WAPL: variants seen among roughly 807,000 people sequenced by gnomAD.
WAPL encodes the protein wings apart-like protein homolog.
WAPL carries 5 observed loss-of-function variants against 121.0 expected under a neutral mutation model. The ratio of observed to expected loss-of-function variants is 0.04; its 90% confidence interval spans 0.02 to 0.09. The LOEUF (loss-of-function observed/expected upper bound fraction) is 0.09, where lower values mean the gene tolerates loss of function less well. WAPL is among the 10% of genes least tolerant of loss of function. The probability of loss-of-function intolerance (pLI) is 1.00; values close to 1 mark genes in which losing one functional copy is unlikely to be tolerated. For synonymous variants in WAPL, 480 were observed against 481.5 expected, an observed-to-expected ratio of 1.00 and a Z score of 0.04; for missense variants, 999 against 1,410.8, an observed-to-expected ratio of 0.71 and a Z score of 4.68.
At chr10:86,439,297 T>C (rs1849404295) in intron 17 of WAPL, among the ~76,000 whole-genome samples, 1 of 152,318 alleles carries the variant, frequency 6.6e-6, no homozygotes, top group East Asian at 1.9e-4. Flanking sequence ...GCTGAAGATA[T>C]CAGTTACACA....
At chr10:86,509,760 CT>C (rs1842419738) in intron 2 of WAPL, among the ~76,000 whole-genome samples, 3 of 112,872 alleles carry the variant, frequency 2.7e-5, no homozygotes, top group Admixed American at 1.0e-4. Context: ...GCTCGAAGCT[CT>C]TTGGTTTTTT....
At chr10:86,455,348 C>T (rs1841116419) in intron 12 of WAPL, among the ~76,000 whole-genome samples, 1 of 152,180 alleles carries the variant, frequency 6.6e-6, no homozygotes, top group Non-Finnish European at 1.5e-5. Flanking sequence ...AAAAATTCTT[C>T]TGCCTTGGGA....
chr10:86,516,925 A>C (rs1842565507), intron 2 of WAPL, among the ~76,000 whole-genome samples: 2 of 152,124 alleles, frequency 1.3e-5, no homozygotes, highest in Non-Finnish European at 2.9e-5. Context: ...TCTACTAAAA[A>C]TACAAAAATT....
At chr10:86,453,124 T>C (rs1841038628) in intron 14 of WAPL, 96 bp downstream of exon 14, 3 of 661,290 alleles carry the variant, frequency 4.5e-6, no homozygotes, top group Admixed American at 3.1e-5. Flanking sequence ...ACCCACAATA[T>C]ATTAAAGGGT....
At chr10:86,467,584 A>ATG (rs1413800080) in intron 8 of WAPL, 78 bp from the exon 9 acceptor site, 2 of 1,083,072 alleles carry the variant, frequency 1.8e-6, no homozygotes, top group African/African-American at 1.6e-5. Context: ...AAGACTATTA[A>ATG]TGACTTTTGT....
chr10:86,440,772 G>C lies in WAPL; in HGVS notation c.3411+2503C>G, dbSNP rs1258390823. On this transcript the variant is annotated intron_variant, in intron 17 of 18. Coordinates refer to ENST00000298767, the MANE Select transcript of WAPL (RefSeq NM_015045.5). ...TTGATCCTGAAATCGGCGGTACCCA[G>C]AGGGGCCACACAGAGTGGGCTGTTG... Among the ~76,000 whole-genome samples the C allele has an allele frequency of 3.3e-5, 5 of 151,810 alleles. No homozygotes were observed. In the East Asian group the frequency reaches 5.8e-4, roughly 18 times the overall value.
chr10:86,483,651 C>T (rs1841848424), intron 4 of WAPL, among the ~76,000 whole-genome samples: 1 of 151,570 alleles, frequency 6.6e-6, no homozygotes, highest in South Asian at 2.1e-4. Context: ...GATGACAGCT[C>T]CACGTATGTT....
chr10:86,453,857 A>G, intron 12 of WAPL, 26 bp from the exon 13 acceptor site: 1 of 1,469,466 alleles, frequency 6.8e-7, no homozygotes, highest in Non-Finnish European at 9.0e-7. Context: ...AATATAGACT[A>G]TTATAGTAAA....
At chr10:86,492,164 TA>T (rs144010581) in intron 4 of WAPL, among the ~76,000 whole-genome samples, 10,197 of 152,254 alleles carry the variant, frequency 0.067, 651 homozygotes, top group East Asian at 0.38. Context: ...TGTCAGTAAG[TA>T]AAAATGTTAT....
At chr10:86,517,428 A>G (rs1303749067) in intron 2 of WAPL, 143 bp downstream of exon 2, 2 of 1,244,724 alleles carry the variant, frequency 1.6e-6, no homozygotes, top group East Asian at 5.2e-5. Flanking sequence ...AAGTTCTTAA[A>G]TGTCTTTTAC....
intron 2 of WAPL, among the ~76,000 whole-genome samples, chr10:86,506,216 C>G (rs1438895933): frequency 6.6e-6 from 1 of 152,150 alleles, no homozygotes; most frequent in African/African-American, 2.4e-5. Flanking sequence ...GTCTGGGCAA[C>G]AGAGCGAGAC....
At chr10:86,491,375 G>A (rs1199302413) in intron 4 of WAPL, among the ~76,000 whole-genome samples, 2 of 151,766 alleles carry the variant, frequency 1.3e-5, no homozygotes, top group Admixed American at 6.6e-5. Context: ...TCCTGACCTC[G>A]TGATCCACCC....
chr10:86,439,382 T>A (rs1032174867), intron 17 of WAPL, among the ~76,000 whole-genome samples: 2 of 152,192 alleles, frequency 1.3e-5, no homozygotes, highest in African/African-American at 2.4e-5. Context: ...TCTGGAGAAC[T>A]GCTCAGTAGA....
In WAPL at chr10:86,452,078, A is replaced by G; in HGVS notation, c.3003T>C (p.Cys1001=). ...AGCACGATGTTTCCATGTTGACAAGACAGTGCCGATTCCGAGCACTATACT... is the reference window on the plus strand; with the variant it reads ...AGCACGATGTTTCCATGTTGACAAGGCAGTGCCGATTCCGAGCACTATACT... The part of the protein sequence containing the change: ...LVEYSARNRH[C]LVNMETSCSF... Residue 1001 remains cysteine, a synonymous_variant, in exon 15 of 19, where the codon TGT becomes TGC. Transcript: ENST00000298767. 6.2e-7 allele frequency: 1 copy of G among 1,614,164 alleles called. No individual in the cohort carries two copies. Among genetic ancestry groups the G allele is most frequent in the African/African-American group, 1.3e-5 (1 of 75,042 alleles).
At chr10:86,500,838 T>A (rs1842235178) in intron 2 of WAPL, 95 bp from the exon 3 acceptor site, 4 of 1,036,614 alleles carry the variant, frequency 3.9e-6, no homozygotes, top group East Asian at 2.7e-5. Context: ...ATATGATCAA[T>A]CTTGGAAGAA....
At chr10:86,509,729 A>G (rs151033894) in intron 2 of WAPL, among the ~76,000 whole-genome samples, 41 of 151,984 alleles carry the variant, frequency 2.7e-4, no homozygotes, top group Middle Eastern at 3.4e-3. Context: ...TGGAAAAGAA[A>G]AATTCATGAG....
At chr10:86,468,997 A>G (rs1841466607) in intron 8 of WAPL, among the ~76,000 whole-genome samples, 1 of 151,932 alleles carries the variant, frequency 6.6e-6, no homozygotes, top group East Asian at 1.9e-4. Context: ...CCAGCTACTC[A>G]GGAGGCTGAG....
At chr10:86,508,777 GAGACAGAGTCTCTGTCACCCAGGCT>G (rs1842399660) in intron 2 of WAPL, among the ~76,000 whole-genome samples, 1 of 33,764 alleles carries the variant, frequency 3.0e-5, no homozygotes, top group South Asian at 1.0e-3. Flanking sequence ...TTTTTTTTTT[GAGACAGAGTCTCTGTCACCCAGGCT>G]GGAGTGCAGT....
At chr10:86,508,046 A>G (rs1193568931) in intron 2 of WAPL, among the ~76,000 whole-genome samples, 1 of 152,146 alleles carries the variant, frequency 6.6e-6, no homozygotes, top group Non-Finnish European at 1.5e-5. Flanking sequence ...GGCCTACTAG[A>G]GGAGGAGGAA....
Sources: allele counts gnomAD v4.1 joint callset (sites outside exome capture counted in the v4.1 genomes callset), GRCh38; gene constraint gnomAD v4.1.1; transcripts MANE v1.5; gene names NCBI Gene and HGNC (gene_info 2026-07-23, HGNC 2026-07-21).